Variants in ATP11C observed in about 807,000 individuals in gnomAD.
The protein encoded by ATP11C is phospholipid-transporting ATPase IG.
ATP11C carries 36 observed loss-of-function variants against 97.4 expected under a neutral mutation model. That is an observed-to-expected ratio of 0.37 (90% CI 0.28 to 0.49). The LOEUF (loss-of-function observed/expected upper bound fraction) is 0.49. Among genes scored for constraint, ATP11C ranks in the 20% least tolerant of loss-of-function variants. ATP11C has a pLI of 0.98. For missense variants in ATP11C, 730 were observed against 824.6 expected (o/e 0.89, Z 1.40); for synonymous variants, 275 against 290.9 (o/e 0.95, Z 0.56).
chrX:139,841,478 T>C (rs2083829293), intron 1 of ATP11C, among the ~76,000 whole-genome samples: 1 of 112,568 alleles, frequency 8.9e-6, no homozygotes, highest in African/African-American at 3.2e-5. Context: ...AAATGATTGG[T>C]GGTACAAGGG....
chrX:139,896,329 T>G (rs868323124), intron 1 of ATP11C, among the ~76,000 whole-genome samples: 1 of 110,023 alleles, frequency 9.1e-6, no homozygotes, highest in African/African-American at 3.3e-5. Flanking sequence ...CAAATCCCAA[T>G]TGAAGGACAT....
chrX:139,900,093 G>A (rs1407735300), intron 1 of ATP11C, among the ~76,000 whole-genome samples: 4 of 111,684 alleles, frequency 3.6e-5, no homozygotes, highest in Admixed American at 9.5e-5. Flanking sequence ...AATGCTGGCC[G>A]GGCGCGGTGG....
At chrX:139,835,401 A>G (rs1427346664) in intron 1 of ATP11C, among the ~76,000 whole-genome samples, 1 of 110,088 alleles carries the variant, frequency 9.1e-6, no homozygotes, top group Non-Finnish European at 1.9e-5. Context: ...AAGCAGGGGA[A>G]AGTGGGGCCA....
At chrX:139,928,483 G>C (rs1233654045) in intron 1 of ATP11C, among the ~76,000 whole-genome samples, 1 of 111,665 alleles carries the variant, frequency 9.0e-6, no homozygotes, top group African/African-American at 3.2e-5. Flanking sequence ...TCTTGCTCCT[G>C]GGGAAAAAAC....
chrX:139,730,515 G>A (rs149916177), intron 29 of ATP11C, among the ~76,000 whole-genome samples: 29 of 111,471 alleles, frequency 2.6e-4, no homozygotes, highest in Non-Finnish European at 5.5e-4. Flanking sequence ...TGTAGACTGC[G>A]ATGAACTCCA....
At chrX:139,936,200 A>AT (rs996131878), upstream of ATP11C, among the ~76,000 whole-genome samples, 1 of 111,366 alleles carries the variant, frequency 9.0e-6, no homozygotes. Context: ...ATGCAAGGTG[A>AT]TTTTTTCTGT....
chrX:139,903,126 C>T (rs2084922860), intron 1 of ATP11C, among the ~76,000 whole-genome samples: 1 of 111,545 alleles, frequency 9.0e-6, no homozygotes, highest in African/African-American at 3.3e-5. Flanking sequence ...CTATGATGGG[C>T]TGAAGTAATT....
intron 1 of ATP11C, among the ~76,000 whole-genome samples, chrX:139,838,276 T>C (rs1426043977): frequency 8.9e-6 from 1 of 112,058 alleles, no homozygotes; most frequent in Non-Finnish European, 1.9e-5. Flanking sequence ...TTCTGTCCAA[T>C]ATACCTTTGA....
At position 139,728,936 on chromosome X, in the gene ATP11C, T is replaced by C; in HGVS notation, c.*30A>G. The C allele has an allele frequency of 8.3e-7, 1 of 1,202,746 alleles. No homozygotes were observed. The highest frequency in any genetic ancestry group is 1.8e-5 in the South Asian group (1 of 56,089). ...CACTGTCAGTATGCTTGTAGGACAA[T>C]AACATAGGCAGTTCAAGATTCGGAT... is the stretch of plus-strand genomic sequence containing the variant. On this transcript the variant is annotated 3_prime_UTR_variant, in exon 30 of 30. Transcript: ENST00000682941.
chrX:139,806,409 T>C (rs1191895968), intron 5 of ATP11C, among the ~76,000 whole-genome samples: 2 of 111,993 alleles, frequency 1.8e-5, no homozygotes, highest in Non-Finnish European at 3.8e-5. Flanking sequence ...TACGTATTTT[T>C]TAGTCCATCA....
chrX:139,809,506 C>A (rs1207148357), intron 5 of ATP11C, among the ~76,000 whole-genome samples: 1 of 111,648 alleles, frequency 9.0e-6, no homozygotes. Context: ...GAATAGAGGC[C>A]ACAAGGGGCT....
intron 1 of ATP11C, among the ~76,000 whole-genome samples, chrX:139,868,444 G>A (rs188706759): frequency 0.054 from 5,912 of 109,600 alleles, 398 homozygotes; most frequent in African/African-American, 0.18. Context: ...GGCCAGGCGC[G>A]GTGGCTCAAG....
rs111438163 is a variant in ATP11C, at chrX:139,925,414, T to C, written c.27+6602A>G. On this transcript the variant is annotated intron_variant, in intron 1 of 29. Transcript: ENST00000682941. ...GATTCTCCCGCCTCAGCCTCTCAAG[T>C]AGCTGGGATTACAGGCCTGTGCTAC... Among the ~76,000 whole-genome samples, 324 of 79,071 alleles carry C rather than the reference T, an allele frequency of 4.1e-3. 2 individuals carry two copies. Among genetic ancestry groups the C allele is most frequent in the African/African-American group, 0.012 (268 of 23,052 alleles). The allele number at this position is 79,071 out of a possible 115,157, so 68.7% of individuals were successfully genotyped here.
chrX:139,927,768 G>A (rs1293772894), intron 1 of ATP11C, among the ~76,000 whole-genome samples: 1 of 110,697 alleles, frequency 9.0e-6, no homozygotes, highest in Non-Finnish European at 1.9e-5. Context: ...TTATACTATG[G>A]TCAGTATAGC....
At chrX:139,890,633 A>C (rs756850081) in intron 1 of ATP11C, among the ~76,000 whole-genome samples, 15 of 111,793 alleles carry the variant, frequency 1.3e-4, no homozygotes, top group East Asian at 2.8e-4. Flanking sequence ...GTATTTATTC[A>C]CTCATTCCTT....
At position 139,932,129 on chromosome X, in the gene ATP11C, G is replaced by T; in HGVS notation, c.-87C>A. The T allele has an allele frequency of 1.1e-6, 1 of 948,247 alleles. No homozygotes were observed. Among genetic ancestry groups the T allele is most frequent in the Non-Finnish European group, 1.4e-6 (1 of 735,487 alleles). 78.1% of individuals were successfully genotyped at this position (948,247 alleles called of 1,213,427 possible). ...CACAAAACACACTGCGGCGTGGGCC[G>T]GCGGCGCCAAGCGGAGCAGCGAGGC... On this transcript the variant is annotated 5_prime_UTR_variant, in exon 1 of 30. Transcript: ENST00000682941.
chrX:139,747,647 T>C (rs945718602), intron 24 of ATP11C, among the ~76,000 whole-genome samples: 2 of 111,611 alleles, frequency 1.8e-5, no homozygotes, highest in Admixed American at 1.9e-4. Context: ...AATTATGTCA[T>C]CTCACATCCA....
intron 1 of ATP11C, 127 bp downstream of exon 1, chrX:139,931,889 A>T: frequency 2.4e-6 from 2 of 849,375 alleles, no homozygotes; most frequent in Non-Finnish European, 3.1e-6. Flanking sequence ...GGTGAAAAGG[A>T]AGAAGAGGGG....
intron 1 of ATP11C, among the ~76,000 whole-genome samples, chrX:139,883,043 T>C (rs925387584): frequency 9.0e-6 from 1 of 111,600 alleles, no homozygotes; most frequent in Non-Finnish European, 1.9e-5. Flanking sequence ...CAAAAAACTG[T>C]TCTGCTAGCA....
Sources: gnomAD v4.1 joint callset for allele counts (sites outside exome capture counted in the v4.1 genomes callset) on GRCh38, gnomAD v4.1.1 for gene constraint, MANE v1.5 for transcripts, NCBI Gene and HGNC (gene_info 2026-07-23, HGNC 2026-07-21) for gene names.